The following NAALADL2 variants were observed in gnomAD, a reference collection of about 807,000 sequenced individuals.
The protein encoded by NAALADL2 is inactive N-acetylated-alpha-linked acidic dipeptidase-like protein 2.
Under a neutral mutation model 87.2 loss-of-function variants are expected in NAALADL2, and 76 were observed. The ratio of observed to expected loss-of-function variants is 0.87; its 90% CI spans 0.72 to 1.05. The LOEUF (loss-of-function observed/expected upper bound fraction) is 1.05, where lower values mean the gene tolerates loss of function less well. Among genes scored for constraint, NAALADL2 ranks in the 50% least tolerant of loss-of-function variants. NAALADL2 has a pLI of 0.00. For missense variants in NAALADL2, 1,089 were observed against 945.8 expected (o/e 1.15, Z -1.99); for synonymous variants, 354 against 331.0 (o/e 1.07, Z -0.75).
intron 5 of NAALADL2, among the ~76,000 whole-genome samples, chr3:175,412,402 C>T (rs1408478467): frequency 6.6e-6 from 1 of 152,096 alleles, no homozygotes; most frequent in Non-Finnish European, 1.5e-5. Flanking sequence ...AAAATATTTT[C>T]AGTGTATGTT....
At chr3:175,082,779 A>T (rs1718136604) in intron 1 of NAALADL2, among the ~76,000 whole-genome samples, 1 of 152,224 alleles carries the variant, frequency 6.6e-6, no homozygotes, top group East Asian at 1.9e-4. Context: ...AAAAATAAGC[A>T]TAGCTTTCTT....
chr3:174,749,555 A>G (rs1734619723), intron 3 of NAALADL2, among the ~76,000 whole-genome samples: 1 of 151,658 alleles, frequency 6.6e-6, no homozygotes, highest in Non-Finnish European at 1.5e-5. Context: ...ATCCATTTGA[A>G]GCTAAGTATA....
intron 5 of NAALADL2, among the ~76,000 whole-genome samples, chr3:175,398,197 A>G (rs565888068): frequency 2.6e-5 from 4 of 152,220 alleles, no homozygotes; most frequent in Admixed American, 2.6e-4. Flanking sequence ...CATGCAAGTT[A>G]GATTTCCTGG....
rs570789981 is a variant in NAALADL2, at chr3:175,810,169, T to C, written c.*6966T>C. On this transcript the variant is annotated 3_prime_UTR_variant, in exon 14 of 14. Transcript: ENST00000454872. Reference sequence around the variant, plus strand: ...TGTCGGTAGTTTTTAAATTACTATATAGGGTTGAATGTCTAATTTCTATAA... The same window carrying C: ...TGTCGGTAGTTTTTAAATTACTATACAGGGTTGAATGTCTAATTTCTATAA... 1.3e-5 allele frequency: 2 copies of C among 152,166 alleles called. No individual in the cohort carries two copies. The highest frequency in any genetic ancestry group is 2.9e-5 in the Non-Finnish European group (2 of 67,948). The allele number at this position is 152,166 out of a possible 1,614,324, so 9.4% of individuals were successfully genotyped here. A position where few individuals can be genotyped will look rare whatever the true frequency, so the allele number is the denominator to read the frequency against.
chr3:174,474,924 C>T (rs906564831), intron 1 of NAALADL2, among the ~76,000 whole-genome samples: 5 of 152,120 alleles, frequency 3.3e-5, no homozygotes, highest in African/African-American at 1.2e-4. Flanking sequence ...TCTTGTTAGT[C>T]ATTCTTAATC....
At chr3:175,310,497 T>G (rs902324342) in intron 4 of NAALADL2, among the ~76,000 whole-genome samples, 7 of 152,094 alleles carry the variant, frequency 4.6e-5, no homozygotes, top group Non-Finnish European at 8.8e-5. Context: ...CTCTGATATT[T>G]TATTACCTTT....
intron 1 of NAALADL2, among the ~76,000 whole-genome samples, chr3:175,013,685 C>G (rs1025994337): frequency 6.6e-6 from 1 of 151,980 alleles, no homozygotes; most frequent in African/African-American, 2.4e-5. Context: ...GAAAATTCTT[C>G]AAGAATTTGA....
intron 1 of NAALADL2, among the ~76,000 whole-genome samples, chr3:174,954,003 A>G (rs1251927251): frequency 2.0e-5 from 3 of 152,028 alleles, no homozygotes; most frequent in African/African-American, 7.2e-5. Context: ...AAAAACTTCC[A>G]GGTACATTTT....
intron 1 of NAALADL2, among the ~76,000 whole-genome samples, chr3:174,980,829 T>C (rs978283126): frequency 6.8e-6 from 1 of 147,994 alleles, no homozygotes; most frequent in Non-Finnish European, 1.5e-5. Context: ...TAGTATGATA[T>C]ATGTCTTATA....
At chr3:174,653,980 A>G (rs1222384739) in intron 2 of NAALADL2, among the ~76,000 whole-genome samples, 1 of 151,978 alleles carries the variant, frequency 6.6e-6, no homozygotes, top group Non-Finnish European at 1.5e-5. Context: ...TTTCAGGAAA[A>G]CAGCTGCAAC....
chr3:174,819,124 C>G (rs1043837900), intron 3 of NAALADL2, among the ~76,000 whole-genome samples: 2 of 109,660 alleles, frequency 1.8e-5, no homozygotes, highest in African/African-American at 7.0e-5. Flanking sequence ...GTGGCACAAT[C>G]TCGACTCATT....
intron 4 of NAALADL2, among the ~76,000 whole-genome samples, chr3:175,296,123 A>G (rs933773458): frequency 4.6e-5 from 2 of 43,556 alleles, no homozygotes; most frequent in Non-Finnish European, 1.5e-4. Context: ...GATATAGTCC[A>G]TAACTAACTT....
chr3:174,987,350 A>G (rs1382760174), intron 1 of NAALADL2, among the ~76,000 whole-genome samples: 1 of 151,510 alleles, frequency 6.6e-6, no homozygotes, highest in East Asian at 2.0e-4. Flanking sequence ...CGGGCGGATC[A>G]CGAGGTCAGG....
At chr3:175,272,964 A>G (rs1753072732) in intron 4 of NAALADL2, among the ~76,000 whole-genome samples, 1 of 152,146 alleles carries the variant, frequency 6.6e-6, no homozygotes, top group Non-Finnish European at 1.5e-5. Context: ...CAATAATAAC[A>G]TGCAGATAAA....
At chr3:174,982,066 A>G (rs556331514) in intron 1 of NAALADL2, among the ~76,000 whole-genome samples, 177 of 152,322 alleles carry the variant, frequency 1.2e-3, no homozygotes, top group Non-Finnish European at 1.9e-3. Context: ...TTGTCAATAG[A>G]AAGGAAAGGG....
At chr3:174,591,008 C>T (rs1285942225) in intron 2 of NAALADL2, among the ~76,000 whole-genome samples, 1 of 152,122 alleles carries the variant, frequency 6.6e-6, no homozygotes, top group Non-Finnish European at 1.5e-5. Flanking sequence ...ACAACCACAG[C>T]AACAGCAGCT....
chr3:174,765,436 T>C (rs1313803485), intron 3 of NAALADL2, among the ~76,000 whole-genome samples: 1 of 152,200 alleles, frequency 6.6e-6, no homozygotes, highest in African/African-American at 2.4e-5. Context: ...ATCATATTTA[T>C]CTCCTCTACT....
intron 1 of NAALADL2, among the ~76,000 whole-genome samples, chr3:174,946,043 C>CA (rs57964168): frequency 0.038 from 1,906 of 50,104 alleles, 117 homozygotes; most frequent in Non-Finnish European, 0.047. Context: ...GACTCTGCCT[C>CA]AAAAAAAAAA....
At chr3:174,936,015 C>T (rs762896237) in intron 1 of NAALADL2, among the ~76,000 whole-genome samples, 2 of 151,860 alleles carry the variant, frequency 1.3e-5, no homozygotes, top group Admixed American at 1.3e-4. Flanking sequence ...ATAGAGAAGC[C>T]GATGTTGCAT....
Sources: gnomAD v4.1 joint callset for allele counts (sites outside exome capture counted in the v4.1 genomes callset) on GRCh38, gnomAD v4.1.1 for gene constraint, MANE v1.5 for transcripts, NCBI Gene and HGNC (gene_info 2026-07-23, HGNC 2026-07-21) for gene names.